The following PDE4D variants were observed in gnomAD, a reference collection of about 807,000 sequenced individuals.
PDE4D encodes the protein phosphodiesterase 4D.
A neutral mutation model predicts 87.4 loss-of-function variants in PDE4D; 24 were observed. The observed-to-expected ratio is 0.27, with a 90% CI of 0.20 to 0.39. PDE4D has a LOEUF of 0.39. Among genes scored for constraint, PDE4D ranks in the 10% least tolerant of loss-of-function variants. PDE4D has a pLI of 1.00. For synonymous variants in PDE4D, 384 were observed against 383.2 expected, an observed-to-expected ratio of 1.00 and a Z score of -0.02; for missense variants, 714 against 1,041.0, an observed-to-expected ratio of 0.69 and a Z score of 4.32.
chr5:59,753,325 A>G (rs1039723248), intron 1 of PDE4D, among the ~76,000 whole-genome samples: 12 of 152,188 alleles, frequency 7.9e-5, no homozygotes, highest in African/African-American at 2.9e-4. Context: ...AATAATCCAT[A>G]GGCCTAGGCA....
chr5:59,069,338 C>T (rs1305844253), intron 5 of PDE4D, among the ~76,000 whole-genome samples: 3 of 152,104 alleles, frequency 2.0e-5, no homozygotes, highest in South Asian at 4.1e-4. Flanking sequence ...ATAGCAAATA[C>T]GTTCCATGTG....
intron 1 of PDE4D, among the ~76,000 whole-genome samples, chr5:59,446,772 T>C (rs1798417333): frequency 6.6e-6 from 1 of 152,226 alleles, no homozygotes; most frequent in Admixed American, 6.5e-5. Flanking sequence ...AGTTCTGCTG[T>C]GTTCTAGCCA....
At chr5:59,483,867 A>G (rs1306961243) in intron 1 of PDE4D, among the ~76,000 whole-genome samples, 1 of 152,184 alleles carries the variant, frequency 6.6e-6, no homozygotes, top group Non-Finnish European at 1.5e-5. Flanking sequence ...ACATTTCCAG[A>G]AAGAGGTATA....
intron 1 of PDE4D, among the ~76,000 whole-genome samples, chr5:60,208,293 T>C (rs753054974): frequency 2.6e-5 from 4 of 152,092 alleles, no homozygotes; most frequent in Admixed American, 6.5e-5. Flanking sequence ...AAAGACGACA[T>C]TTGAGTAACA....
intron 1 of PDE4D, among the ~76,000 whole-genome samples, chr5:59,261,143 T>G (rs947856833): frequency 6.6e-6 from 1 of 151,250 alleles, no homozygotes; most frequent in African/African-American, 2.4e-5. Context: ...AGGTTTTCCA[T>G]TCTTGCATGG....
intron 5 of PDE4D, chr5:59,091,254 G>A: frequency 2.6e-6 from 1 of 384,830 alleles, no homozygotes; most frequent in South Asian, 2.0e-5. Flanking sequence ...TTAAAGATAT[G>A]CATGACCCAT....
intron 3 of PDE4D, among the ~76,000 whole-genome samples, chr5:59,930,064 A>T (rs1159739436): frequency 1.4e-5 from 2 of 146,440 alleles, no homozygotes; most frequent in African/African-American, 2.5e-5. Flanking sequence ...CGGGAGGCTG[A>T]GGCAGGAGAA....
At chr5:60,477,767 C>T (rs569512171) in intron 1 of PDE4D, among the ~76,000 whole-genome samples, 21 of 152,284 alleles carry the variant, frequency 1.4e-4, no homozygotes, top group East Asian at 3.9e-4. Context: ...GCCCATGCTT[C>T]GACCCCAGAC....
intron 1 of PDE4D, among the ~76,000 whole-genome samples, chr5:59,566,163 T>G (rs1820844144): frequency 6.6e-6 from 1 of 152,144 alleles, no homozygotes; most frequent in African/African-American, 2.4e-5. Flanking sequence ...ATGGGCCATA[T>G]TTTGACTTTA....
chr5:59,698,993 G>A (rs1752197625), intron 1 of PDE4D, among the ~76,000 whole-genome samples: 1 of 152,188 alleles, frequency 6.6e-6, no homozygotes, highest in African/African-American at 2.4e-5. Context: ...GGATTATGCA[G>A]TGTACTTTGT....
In PDE4D at chr5:59,292,163, T is replaced by A. The variant is rs368864796; in HGVS notation, c.456-76195A>T. On this transcript the variant is annotated intron_variant, in intron 1 of 14. Transcript: ENST00000340635. Reference sequence around the variant, plus strand: ...AAGACCATGAAATTTAAGCCTTCATTCAGTTGACAGTCTTCAGTGAGTCAG... The same window carrying A: ...AAGACCATGAAATTTAAGCCTTCATACAGTTGACAGTCTTCAGTGAGTCAG... Among the ~76,000 whole-genome samples the A allele has an allele frequency of 2.9e-3, 439 of 152,228 alleles. 3 individuals are homozygous for A. Among genetic ancestry groups the A allele is most frequent in the African/African-American group, 0.01 (427 of 41,560 alleles).
chr5:59,451,734 C>T (rs1414145143), intron 1 of PDE4D, among the ~76,000 whole-genome samples: 2 of 152,206 alleles, frequency 1.3e-5, no homozygotes, highest in Non-Finnish European at 2.9e-5. Context: ...ACCAACACCG[C>T]TGTCTGTAAT....
At chr5:60,258,654 T>A (rs1201337457) in intron 1 of PDE4D, among the ~76,000 whole-genome samples, 1 of 151,684 alleles carries the variant, frequency 6.6e-6, no homozygotes, top group African/African-American at 2.4e-5. Context: ...TATAAATAAA[T>A]AAATAATGAA....
intron 1 of PDE4D, among the ~76,000 whole-genome samples, chr5:59,764,810 C>A (rs1204445618): frequency 6.6e-6 from 1 of 151,948 alleles, no homozygotes; most frequent in Non-Finnish European, 1.5e-5. Context: ...CACACATCAC[C>A]ATGCCTGGCT....
chr5:60,287,673 A>G (rs934883178), intron 1 of PDE4D, among the ~76,000 whole-genome samples: 4 of 152,096 alleles, frequency 2.6e-5, no homozygotes, highest in Admixed American at 6.6e-5. Context: ...GCAATATCCA[A>G]CCTTGCCTCA....
chr5:59,857,424 A>C (rs1355428936), intron 1 of PDE4D, among the ~76,000 whole-genome samples: 1 of 152,200 alleles, frequency 6.6e-6, no homozygotes, highest in Non-Finnish European at 1.5e-5. Context: ...CCCAGAATAC[A>C]TCAAAGACTC....
chr5:60,452,378 A>G lies in PDE4D; in HGVS notation c.-90+35564T>C, dbSNP rs538490423. Among the ~76,000 whole-genome samples, 19 of 152,242 alleles carry G rather than the reference A, an allele frequency of 1.2e-4. No individual in the cohort carries two copies. The South Asian group carries it at 3.9e-3, about 32-fold the overall frequency. ...GATGCATGTTTTCACTTCATTTTCC[A>G]TCAAAGAACCAAATTAATCTGCAGG... On this transcript the variant is annotated intron_variant, in intron 1 of 16. Transcript: ENST00000502484.
At chr5:60,074,718 C>A (rs1332154774) in intron 2 of PDE4D, among the ~76,000 whole-genome samples, 1 of 152,170 alleles carries the variant, frequency 6.6e-6, no homozygotes, top group African/African-American at 2.4e-5. Context: ...TTAGGATAGT[C>A]AGCTTTTCTT....
rs376054877 is a variant in PDE4D, at chr5:59,872,875, C to G, written c.455+20293G>C. On this transcript the variant is annotated intron_variant, in intron 1 of 14. Coordinates refer to ENST00000340635, the MANE Select transcript of PDE4D (RefSeq NM_001104631.2). ...TAAGAAATGCCATAGAATATGGGTACGCTCAATGAAAATGGAAGGTTTTTT... is the reference window on the plus strand; with the variant it reads ...TAAGAAATGCCATAGAATATGGGTAGGCTCAATGAAAATGGAAGGTTTTTT... Among the ~76,000 whole-genome samples, 6 of 152,064 alleles carry G rather than the reference C, an allele frequency of 3.9e-5. No individual in the cohort carries two copies. The East Asian group carries it at 9.7e-4, about 25-fold the overall frequency.
Sources: gnomAD v4.1 joint callset for allele counts (sites outside exome capture counted in the v4.1 genomes callset) on GRCh38, gnomAD v4.1.1 for gene constraint, MANE v1.5 for transcripts, NCBI Gene and HGNC (gene_info 2026-07-23, HGNC 2026-07-21) for gene names.